The following PDK2 variants were observed in gnomAD, a reference collection of about 807,000 sequenced individuals.
PDK2 encodes the protein pyruvate dehydrogenase kinase, isozyme 2.
A neutral mutation model predicts 50.4 loss-of-function variants in PDK2; 34 were observed. That is an observed-to-expected ratio of 0.68 (90% CI 0.51 to 0.90). The LOEUF is 0.90. Among genes scored for constraint, PDK2 ranks in the 40% least tolerant of loss-of-function variants. The probability of loss-of-function intolerance (pLI) is 0.00; values close to 1 mark genes in which losing one functional copy is unlikely to be tolerated. For missense variants in PDK2, 377 were observed against 544.5 expected (o/e 0.69, Z 3.06); for synonymous variants, 232 against 216.0 (o/e 1.07, Z -0.65).
chr17:50,106,910 C>T (rs376789989), intron 5 of PDK2, 27 bp downstream of exon 5: 44 of 1,600,936 alleles, frequency 2.7e-5, no homozygotes, highest in South Asian at 3.3e-5. Flanking sequence ...GTGCCTGGCC[C>T]GCAGAGAAGC....
intron 2 of PDK2, 113 bp from the exon 3 acceptor site, chr17:50,105,258 C>G (rs1910443648): frequency 3.3e-6 from 2 of 599,132 alleles, no homozygotes; most frequent in Non-Finnish European, 5.5e-6. Flanking sequence ...GTCGGCAGCT[C>G]TGTGTGGGGC....
At position 50,111,312 on chromosome 17, in the gene PDK2, TGGTCACTG is replaced by T. The variant is rs1910827577; in HGVS notation, c.*1217_*1224del. On this transcript the variant is annotated 3_prime_UTR_variant, in exon 11 of 11. Transcript: ENST00000503176. The stretch of plus-strand genomic sequence containing the variant: ...CAACAACTGGAGCAGACAGAAATTC[TGGTCACTG>T]GCACATCATAAGGATTTATTGAAAT... The T allele has an allele frequency of 6.6e-6, 1 of 152,344 alleles. No homozygotes were observed. Among genetic ancestry groups the T allele is most frequent in the Admixed American group, 6.5e-5 (1 of 15,288 alleles). 9.4% of individuals were successfully genotyped at this position (152,344 alleles called of 1,614,324 possible).
At chr17:50,107,777 A>G (rs1910593010) in intron 6 of PDK2, among the ~76,000 whole-genome samples, 3 of 152,188 alleles carry the variant, frequency 2.0e-5, no homozygotes, top group Non-Finnish European at 2.9e-5. Context: ...GTAACTCAAC[A>G]GGGGTAGGGA....
At position 50,105,461 on chromosome 17, in the gene PDK2, T is replaced by C. The variant is rs1187218906; in HGVS notation, c.332+19T>C. On this transcript the variant is annotated intron_variant, in intron 3 of 10. Transcript: ENST00000503176. ...TGAGCCAGTGAGTGGGGGCCCTGGG[T>C]GGGGCAGGAAGGCAGGTGTTGGCCA... 6.2e-7 allele frequency: 1 copy of C among 1,609,696 alleles called. No individual in the cohort carries two copies. The highest frequency in any genetic ancestry group is 1.1e-5 in the South Asian group (1 of 90,710).
chr17:50,108,099 G>A, intron 6 of PDK2, 57 bp from the exon 7 acceptor site: 1 of 1,434,816 alleles, frequency 7.0e-7, no homozygotes, highest in Non-Finnish European at 9.6e-7. Flanking sequence ...TGGGTAAGGT[G>A]GTTGAGCAGT....
intron 2 of PDK2, among the ~76,000 whole-genome samples, chr17:50,105,032 G>A (rs1910432284): frequency 6.6e-6 from 1 of 152,214 alleles, no homozygotes; most frequent in Non-Finnish European, 1.5e-5. Context: ...GCTAGGTCCA[G>A]TCTCCCTGCC....
chr17:50,095,139 G>C (rs1022269399), upstream of PDK2: 4 of 356,186 alleles, frequency 1.1e-5, no homozygotes, highest in Non-Finnish European at 2.0e-5. Context: ...GAACACAGGG[G>C]AGGTGGGAAC....
At position 50,097,957 on chromosome 17, in the gene PDK2, A is replaced by T. The variant is rs193287546; in HGVS notation, c.260+393A>T. Reference sequence around the variant, plus strand: ...AACTTTTTGGGAAGCAGAAACAAGAAGTAAGTTTTCAAATACATTATATAA... The same window carrying T: ...AACTTTTTGGGAAGCAGAAACAAGATGTAAGTTTTCAAATACATTATATAA... On this transcript the variant is annotated intron_variant, in intron 2 of 10. Coordinates refer to ENST00000503176, the MANE Select transcript of PDK2 (RefSeq NM_002611.5). Among the ~76,000 whole-genome samples, 18 of 152,352 alleles carry T rather than the reference A, an allele frequency of 1.2e-4. 1 individual carries two copies. Among genetic ancestry groups the T allele is most frequent in the Admixed American group, 1.2e-3 (18 of 15,306 alleles).
In PDK2 at chr17:50,109,327, C is replaced by A; in HGVS notation, c.1010C>A (p.Ala337Asp). 6.2e-7 allele frequency: 1 copy of A among 1,613,738 alleles called. No individual in the cohort carries two copies. The highest frequency in any genetic ancestry group is 1.1e-5 in the South Asian group (1 of 91,042). Residue 337 changes from alanine (A) to aspartate (D), a missense_variant, in exon 10 of 11, where the codon GCC becomes GAC. Physicochemically the swap from Ala to Asp is moderately radical, Grantham distance 126. Around this residue, in one of 3 missense-constraint regions of PDK2, gnomAD observed 214 missense variants for 294.0 expected, o/e 0.73. Coordinates refer to ENST00000503176, the MANE Select transcript of PDK2 (RefSeq NM_002611.5). The surrounding 1 kb of genome is among the most constrained non-coding windows in gnomAD (Gnocchi z 5.0). ...GGGCTCCCCATTTCCCGCCTCTACG[C>A]CAAGTACTTCCAGGGAGACCTGCAG... ...GYGLPISRLYAKYFQGDLQLF... is the reference protein window; with the variant it reads ...GYGLPISRLYDKYFQGDLQLF...
intron 2 of PDK2, among the ~76,000 whole-genome samples, chr17:50,104,695 C>A (rs1000459142): frequency 3.3e-5 from 5 of 152,242 alleles, no homozygotes; most frequent in African/African-American, 1.2e-4. Context: ...GTAGAGTGAG[C>A]TTCTCTGGAC....
chr17:50,109,326 G>A lies in PDK2; in HGVS notation c.1009G>A (p.Ala337Thr), dbSNP rs770970540. 9.3e-6 allele frequency: 15 copies of A among 1,613,488 alleles called. No individual in the cohort carries two copies. Among genetic ancestry groups the A allele is most frequent in the Non-Finnish European group, 1.1e-5 (13 of 1,179,822 alleles). Residue 337 changes from alanine to threonine, a missense_variant, in exon 10 of 11, where the codon GCC (alanine) becomes ACC (threonine). Physicochemically the swap from Ala to Thr is moderately conservative, Grantham distance 58. This residue lies in a region of PDK2 where 214 missense variants were observed against 294.0 expected (regional missense o/e 0.73). Transcript: ENST00000503176. The surrounding 1 kb of genome is among the most constrained non-coding windows in gnomAD (Gnocchi z 5.0). The stretch of plus-strand genomic sequence containing the variant: ...TGGGCTCCCCATTTCCCGCCTCTAC[G>A]CCAAGTACTTCCAGGGAGACCTGCA... ...GYGLPISRLY[A>T]KYFQGDLQLF...
At chr17:50,102,537 C>T (rs1910289807) in intron 2 of PDK2, among the ~76,000 whole-genome samples, 1 of 152,066 alleles carries the variant, frequency 6.6e-6, no homozygotes, top group Non-Finnish European at 1.5e-5. Flanking sequence ...GAAGGGGCCT[C>T]AGGCCCCACT....
chr17:50,103,490 A>G (rs971079968), intron 2 of PDK2, among the ~76,000 whole-genome samples: 20 of 152,252 alleles, frequency 1.3e-4, no homozygotes, highest in African/African-American at 3.9e-4. Context: ...AGTGCTCACT[A>G]TGTGCTAGGC....
chr17:50,101,520 T>G lies in PDK2; in HGVS notation c.261-3851T>G, dbSNP rs1378246078. ...CAGCGAGCACCCTCCTCCCCAGCCTTTGCCTTGTTTACACCCTGCTCCCCA... is the reference window on the plus strand; with the variant it reads ...CAGCGAGCACCCTCCTCCCCAGCCTGTGCCTTGTTTACACCCTGCTCCCCA... On this transcript the variant is annotated intron_variant, in intron 2 of 10. Transcript: ENST00000503176. The surrounding 1 kb of genome is among the most constrained non-coding windows in gnomAD (Gnocchi z 4.2). 6.6e-6 allele frequency among the ~76,000 whole-genome samples: 1 copy of G among 152,068 alleles called. No individual in the cohort carries two copies. The highest frequency in any genetic ancestry group is 2.4e-5 in the African/African-American group (1 of 41,388).
At chr17:50,102,387 G>T (rs1005979227) in intron 2 of PDK2, among the ~76,000 whole-genome samples, 10 of 152,318 alleles carry the variant, frequency 6.6e-5, no homozygotes, top group African/African-American at 2.2e-4. Flanking sequence ...GCCACAAAAG[G>T]GGTGGTGCCA....
chr17:50,098,161 G>C (rs1336061390), intron 2 of PDK2, among the ~76,000 whole-genome samples: 1 of 152,210 alleles, frequency 6.6e-6, no homozygotes, highest in Non-Finnish European at 1.5e-5. Flanking sequence ...TTAAGTAACT[G>C]GATGAAATTA....
rs1156754026 is a variant in PDK2, at chr17:50,095,476, C to T, written c.41C>T (p.Ala14Val). 6.2e-7 allele frequency: 1 copy of T among 1,605,468 alleles called. No individual in the cohort carries two copies. Among genetic ancestry groups the T allele is most frequent in the Admixed American group, 1.7e-5 (1 of 58,644 alleles). The change falls in exon 1 of 11, where the codon GCA (alanine) becomes GTA (valine). Residue 14 changes from alanine (A) to valine (V), a missense_variant. Around this residue, in one of 3 missense-constraint regions of PDK2, gnomAD observed 100 missense variants for 115.5 expected, o/e 0.87. Transcript: ENST00000503176. ...VWALLKNASL[A>V]GAPKYIEHFS... ...GCGCTGCTGAAGAATGCGTCCCTGGCAGGGGCGCCCAAGTACATAGAGCAC... is the reference window on the plus strand; with the variant it reads ...GCGCTGCTGAAGAATGCGTCCCTGGTAGGGGCGCCCAAGTACATAGAGCAC...
chr17:50,099,656 G>A (rs145753656), intron 2 of PDK2, among the ~76,000 whole-genome samples: 179 of 152,336 alleles, frequency 1.2e-3, no homozygotes, highest in African/African-American at 3.8e-3. Context: ...AGCCGGGCGC[G>A]GTGGCGGGCA....
Position 50,109,887 on chromosome 17 carries a change from G to T in PDK2, c.1084-70G>T. Reference sequence around the variant, plus strand: ...GGCAGCTGGGCTGCCGCTGAGCTGGGGTGGGGTGGTCTGCTGAGGAGTGGA... The same window carrying T: ...GGCAGCTGGGCTGCCGCTGAGCTGGTGTGGGGTGGTCTGCTGAGGAGTGGA... On this transcript the variant is annotated intron_variant, in intron 10 of 10. Coordinates refer to ENST00000503176, the MANE Select transcript of PDK2 (RefSeq NM_002611.5). This position sits in a 1 kb window ranked among gnomAD's most constrained non-coding sequence, Gnocchi z 5.0. The T allele has an allele frequency of 7.1e-7, 1 of 1,405,824 alleles. No homozygotes were observed. The highest frequency in any genetic ancestry group is 1.6e-5 in the South Asian group (1 of 61,896). 87.1% of individuals were successfully genotyped at this position (1,405,824 alleles called of 1,614,324 possible). A position where few individuals can be genotyped will look rare whatever the true frequency, so the allele number is the denominator to read the frequency against.
Sources: gnomAD v4.1 joint callset for allele counts (sites outside exome capture counted in the v4.1 genomes callset) on GRCh38, gnomAD v4.1.1 for gene constraint, gnomAD v4.1.1 regional missense constraint, Gnocchi (gnomAD v3.1) non-coding constraint, MANE v1.5 for transcripts, NCBI Gene and HGNC (gene_info 2026-07-23, HGNC 2026-07-21) for gene names.